The following CLEC2D variants were observed in gnomAD, a reference collection of about 807,000 sequenced individuals.
The protein encoded by CLEC2D is C-type lectin related f.
In CLEC2D, 16 loss-of-function variants were observed where a neutral mutation model predicts 20.0. The ratio of observed to expected loss-of-function variants is 0.80; its 90% CI spans 0.54 to 1.22. The LOEUF is 1.22. CLEC2D is among the 50% of genes most tolerant of loss of function. The pLI is 0.00. For missense variants in CLEC2D, 207 were observed against 221.5 expected (o/e 0.93, Z 0.42); for synonymous variants, 77 against 71.1 (o/e 1.08, Z -0.42).
intron 3 of CLEC2D, among the ~76,000 whole-genome samples, chr12:9,691,685 A>G (rs1224439987): frequency 2.0e-5 from 3 of 152,220 alleles, no homozygotes; most frequent in Non-Finnish European, 4.4e-5. Flanking sequence ...CACAAGGGAC[A>G]TTAGAAAATA....
chr12:9,692,808 A>T lies in CLEC2D; in HGVS notation c.358-20A>T, dbSNP rs1719570942. On this transcript the variant is annotated intron_variant, in intron 3 of 4. Coordinates refer to ENST00000290855, the MANE Select transcript of CLEC2D (RefSeq NM_013269.6). ...GGGTTATGTTAGATTAATGAATATC[A>T]TCTCTGTGTTTTCTGAAAGAATTTC... The T allele has an allele frequency of 5.9e-6, 9 of 1,532,254 alleles. No homozygotes were observed. Among genetic ancestry groups the T allele is most frequent in the African/African-American group, 1.4e-5 (1 of 72,818 alleles). 94.9% of individuals were successfully genotyped at this position (1,532,254 alleles called of 1,614,324 possible).
rs1866072941 is a variant in CLEC2D, at chr12:9,699,313, T to G, written c.*4439T>G. On this transcript the variant is annotated 3_prime_UTR_variant, in exon 5 of 5. Transcript: ENST00000290855. Reference sequence around the variant, plus strand: ...TCAATTGTGGCAAGTTATCAGCATATTTTTTAACTTTTAATTATTCTTAAT... The same window carrying G: ...TCAATTGTGGCAAGTTATCAGCATAGTTTTTAACTTTTAATTATTCTTAAT... 3 of 152,204 alleles carry G rather than the reference T, an allele frequency of 2.0e-5. No homozygotes were observed. Among genetic ancestry groups the G allele is most frequent in the Admixed American group, 2.0e-4 (3 of 15,282 alleles). The allele number at this position is 152,204 out of a possible 1,614,324, so 9.4% of individuals were successfully genotyped here.
At position 9,696,514 on chromosome 12, in the gene CLEC2D, T is replaced by A; in HGVS notation, c.*1640T>A. On this transcript the variant is annotated 3_prime_UTR_variant, in exon 5 of 5. Coordinates refer to ENST00000290855, the MANE Select transcript of CLEC2D (RefSeq NM_013269.6). ...TGGAAATGGTGGGGAGACAAAAGTA[T>A]ACACGTGAAATAAAACTCAGTATTT... 1 of 226,096 alleles carries A rather than the reference T, an allele frequency of 4.4e-6. No individual in the cohort carries two copies. The highest frequency in any genetic ancestry group is 8.6e-6 in the Non-Finnish European group (1 of 116,226). 14.0% of individuals were successfully genotyped at this position (226,096 alleles called of 1,614,324 possible).
intron 3 of CLEC2D, among the ~76,000 whole-genome samples, chr12:9,692,001 A>G (rs1043313062): frequency 9.9e-5 from 15 of 152,222 alleles, no homozygotes; most frequent in Non-Finnish European, 2.1e-4. Flanking sequence ...GACAGTACAC[A>G]TTGACAAGGA....
chr12:9,683,342 T>G (rs1244753477), intron 2 of CLEC2D, among the ~76,000 whole-genome samples: 2 of 148,522 alleles, frequency 1.3e-5, no homozygotes, highest in African/African-American at 2.5e-5. Context: ...TTTGTTTTTT[T>G]TTTTTTTTTT....
chr12:9,688,193 T>A, intron 3 of CLEC2D, 107 bp downstream of exon 3: 10 of 688,916 alleles, frequency 1.5e-5, no homozygotes, highest in East Asian at 7.4e-5. Context: ...TACATTGATT[T>A]TTTTTTTTTT....
chr12:9,691,297 G>A (rs1320982278), intron 3 of CLEC2D, among the ~76,000 whole-genome samples: 2 of 151,990 alleles, frequency 1.3e-5, no homozygotes, highest in African/African-American at 4.8e-5. Context: ...AGGGAGAAAA[G>A]AACAGTTCTA....
intron 2 of CLEC2D, among the ~76,000 whole-genome samples, chr12:9,682,534 A>G (rs759539803): frequency 7.0e-4 from 106 of 152,156 alleles, no homozygotes; most frequent in African/African-American, 2.4e-3. Context: ...CCAACCCTCA[A>G]CACGCCTCAG....
At chr12:9,689,083 G>T (rs945300093) in intron 3 of CLEC2D, among the ~76,000 whole-genome samples, 3 of 152,184 alleles carry the variant, frequency 2.0e-5, no homozygotes, top group African/African-American at 7.2e-5. Context: ...CAGGGTTATT[G>T]CTGATTTCTG....
intron 1 of CLEC2D, among the ~76,000 whole-genome samples, chr12:9,673,611 C>T (rs1865465294): frequency 6.6e-6 from 1 of 152,240 alleles, no homozygotes; most frequent in African/African-American, 2.4e-5. Flanking sequence ...GAATCCCACT[C>T]ATCGGGTTCA....
At chr12:9,683,150 G>T (rs998803731) in intron 2 of CLEC2D, among the ~76,000 whole-genome samples, 1 of 151,982 alleles carries the variant, frequency 6.6e-6, no homozygotes, top group Non-Finnish European at 1.5e-5. Context: ...GTCTTCTTTT[G>T]TGAAGTGTCT....
intron 1 of CLEC2D, among the ~76,000 whole-genome samples, chr12:9,673,615 G>A (rs115661552): frequency 2.4e-4 from 36 of 152,332 alleles, no homozygotes; most frequent in African/African-American, 7.9e-4. Context: ...CCCACTCATC[G>A]GGTTCATCTG....
At chr12:9,673,505 T>G (rs1335625595) in intron 1 of CLEC2D, among the ~76,000 whole-genome samples, 1 of 152,250 alleles carries the variant, frequency 6.6e-6, no homozygotes, top group East Asian at 1.9e-4. Flanking sequence ...TGACCCTTGT[T>G]GGGAAGTCTC....
intron 1 of CLEC2D, 132 bp downstream of exon 1, chr12:9,669,927 A>T: frequency 1.7e-6 from 1 of 593,652 alleles, no homozygotes; most frequent in Admixed American, 3.2e-5. Context: ...GTGGGAGTCC[A>T]TAAATTGGCT....
chr12:9,692,352 C>G (rs1353338420), intron 3 of CLEC2D, among the ~76,000 whole-genome samples: 2 of 151,984 alleles, frequency 1.3e-5, no homozygotes, highest in Non-Finnish European at 2.9e-5. Context: ...TTGGCCAAGC[C>G]TAGTCTCAAA....
intron 1 of CLEC2D, 79 bp downstream of exon 1, chr12:9,669,874 G>T: frequency 1.7e-6 from 2 of 1,143,358 alleles, no homozygotes; most frequent in Non-Finnish European, 2.6e-6. Flanking sequence ...ACACAGGAAA[G>T]GTGCTGATCT....
At chr12:9,687,308 A>G (rs765728330) in intron 2 of CLEC2D, among the ~76,000 whole-genome samples, 99 of 152,328 alleles carry the variant, frequency 6.5e-4, no homozygotes, top group African/African-American at 2.3e-3. Context: ...TAGATTCCTC[A>G]CATGAGAAGT....
At position 9,695,551 on chromosome 12, in the gene CLEC2D, C is replaced by T. The variant is rs757925310; in HGVS notation, c.*677C>T. 6.3e-4 allele frequency: 834 copies of T among 1,328,066 alleles called. 1 individual carries two copies. Among genetic ancestry groups the T allele is most frequent in the South Asian group, 1.1e-3 (97 of 85,680 alleles). 82.3% of individuals were successfully genotyped at this position (1,328,066 alleles called of 1,614,324 possible). A position where few individuals can be genotyped will look rare whatever the true frequency, so the allele number is the denominator to read the frequency against. ...CTCAGGGGCTGGTGCAAAGGATGAACTGCACATTGTTGAAGCAGAGGCCAT... is the reference window on the plus strand; with the variant it reads ...CTCAGGGGCTGGTGCAAAGGATGAATTGCACATTGTTGAAGCAGAGGCCAT... On this transcript the variant is annotated 3_prime_UTR_variant, in exon 5 of 5. Coordinates refer to ENST00000290855, the MANE Select transcript of CLEC2D (RefSeq NM_013269.6).
Position 9,695,623 on chromosome 12 carries a change from A to G in CLEC2D, c.*749A>G. ...TAAAGTAACACTGGCAACTTTGAAA[A>G]TGTCTGTACAGCCAACGGTTTCTCT... On this transcript the variant is annotated 3_prime_UTR_variant, in exon 5 of 5. Coordinates refer to ENST00000290855, the MANE Select transcript of CLEC2D (RefSeq NM_013269.6). 1 of 1,563,922 alleles carries G rather than the reference A, an allele frequency of 6.4e-7. No homozygotes were observed. Among genetic ancestry groups the G allele is most frequent in the Non-Finnish European group, 8.7e-7 (1 of 1,148,474 alleles).
Sources: gnomAD v4.1 joint callset for allele counts (sites outside exome capture counted in the v4.1 genomes callset) on GRCh38, gnomAD v4.1.1 for gene constraint, MANE v1.5 for transcripts, NCBI Gene and HGNC (gene_info 2026-07-23, HGNC 2026-07-21) for gene names.